Variants in ZFPM1 observed in about 807,000 individuals in gnomAD.
ZFPM1 encodes zinc finger protein ZFPM1.
Under a neutral mutation model 46.3 loss-of-function variants are expected in ZFPM1, and 28 were observed. The observed-to-expected ratio is 0.60, with a 90% confidence interval of 0.45 to 0.83. ZFPM1 has a LOEUF of 0.83. ZFPM1 is among the 40% of genes least tolerant of loss of function. ZFPM1 has a pLI of 0.00. For synonymous variants in ZFPM1, 957 were observed against 675.9 expected, an observed-to-expected ratio of 1.42 and a Z score of -6.45; for missense variants, 1,878 against 1,432.4, an observed-to-expected ratio of 1.31 and a Z score of -5.02.
At position 88,461,948 on chromosome 16, in the gene ZFPM1, G is replaced by A. The variant is rs368703812; in HGVS notation, c.40+8270G>A. 2.7e-3 allele frequency among the ~76,000 whole-genome samples: 413 copies of A among 152,338 alleles called. 2 individuals carry two copies. Among genetic ancestry groups the A allele is most frequent in the African/African-American group, 9.0e-3 (373 of 41,580 alleles). ...GCTGGGGCCGTGGACCCTGGGGGTG[G>A]GCCCAGGTTTCTCTGGGCACTGCCC... On this transcript the variant is annotated intron_variant, in intron 1 of 9. Coordinates refer to ENST00000319555, the MANE Select transcript of ZFPM1 (RefSeq NM_153813.3).
At chr16:88,527,892 C>G (rs1912470400) in intron 5 of ZFPM1, 140 bp from the exon 6 acceptor site, 2 of 796,218 alleles carry the variant, frequency 2.5e-6, no homozygotes, top group East Asian at 6.0e-5. Context: ...GCCCCCCAGG[C>G]AGGATGGCCC....
intron 4 of ZFPM1, among the ~76,000 whole-genome samples, chr16:88,514,969 C>A (rs982806230): frequency 1.3e-5 from 2 of 152,144 alleles, no homozygotes; most frequent in South Asian, 4.1e-4. Flanking sequence ...TCCATGGCCT[C>A]GGCACGTGTG....
intron 4 of ZFPM1, among the ~76,000 whole-genome samples, chr16:88,515,825 C>T (rs1051604496): frequency 1.3e-5 from 2 of 152,208 alleles, no homozygotes; most frequent in African/African-American, 4.8e-5. Flanking sequence ...GTGAGCTCCC[C>T]ATCACTGTAC....
chr16:88,490,840 G>A (rs1278248796), intron 3 of ZFPM1, among the ~76,000 whole-genome samples: 4 of 152,190 alleles, frequency 2.6e-5, no homozygotes, highest in Non-Finnish European at 4.4e-5. Context: ...CCAGGAAGGG[G>A]GACCGGGCAT....
chr16:88,520,813 A>G (rs868271387), intron 4 of ZFPM1, among the ~76,000 whole-genome samples: 52 of 60,366 alleles, frequency 8.6e-4, no homozygotes, highest in African/African-American at 2.8e-3. Flanking sequence ...GGGTGGGTGG[A>G]TGGATGGATG....
Position 88,534,269 on chromosome 16 carries a change from C to G in ZFPM1, c.2311C>G (p.Pro771Ala). Residue 771 changes from proline to alanine, a missense_variant, in exon 10 of 10, where the codon CCC (proline) becomes GCC (alanine). Pro to Ala is a conservative substitution (Grantham distance 27). Transcript: ENST00000319555. Reference protein sequence around the residue: ...GHAPAPESPRPGSGSGSGPGL... With the variant: ...GHAPAPESPRAGSGSGSGPGL... ...CGCCCCCGCGCCCGAGTCGCCGCGG[C>G]CCGGAAGCGGAAGCGGAAGCGGCCC... 8.9e-7 allele frequency: 1 copy of G among 1,118,296 alleles called. No individual in the cohort carries two copies. The highest frequency in any genetic ancestry group is 1.1e-6 in the Non-Finnish European group (1 of 919,620). 69.3% of individuals were successfully genotyped at this position (1,118,296 alleles called of 1,614,324 possible). A position where few individuals can be genotyped will look rare whatever the true frequency, so the allele number is the denominator to read the frequency against.
chr16:88,463,192 G>A (rs1430159254), intron 1 of ZFPM1, among the ~76,000 whole-genome samples: 2 of 152,250 alleles, frequency 1.3e-5, no homozygotes, highest in East Asian at 1.9e-4. Flanking sequence ...CCGAAGTGAT[G>A]CATGAGGAAA....
At position 88,471,110 on chromosome 16, in the gene ZFPM1, G is replaced by A. The variant is rs376875611; in HGVS notation, c.41-14829G>A. 1.3e-5 allele frequency among the ~76,000 whole-genome samples: 2 copies of A among 152,184 alleles called. No individual in the cohort carries two copies. The highest frequency in any genetic ancestry group is 4.8e-5 in the African/African-American group (2 of 41,448). On this transcript the variant is annotated intron_variant, in intron 1 of 9. Coordinates refer to ENST00000319555, the MANE Select transcript of ZFPM1 (RefSeq NM_153813.3). The surrounding 1 kb of genome is among the most constrained non-coding windows in gnomAD (Gnocchi z 4.1). ...TGCCTTCTGAAGGAGCGAGGGGGCC[G>A]GGAGGAGGAAAGCCCAGCTCCCCTG... is the stretch of plus-strand genomic sequence containing the variant.
intron 4 of ZFPM1, chr16:88,516,544 C>A (rs1186595160): frequency 5.0e-6 from 2 of 398,584 alleles, no homozygotes; most frequent in Admixed American, 4.4e-5. Flanking sequence ...CCTTGATTAA[C>A]CCTTATCTCC....
rs1265558158 is a variant in ZFPM1, at chr16:88,532,060, G to A, written c.771G>A (p.Gln257=). 7 of 1,612,252 alleles carry A rather than the reference G, an allele frequency of 4.3e-6. No individual in the cohort carries two copies. The African/African-American group carries it at 9.3e-5, about 22-fold the overall frequency. ...GGTACCGCAGCGAGCGCAACCTGCAGGCGCACCTGCTCTACTACTGCGCCA... is the reference window on the plus strand; with the variant it reads ...GGTACCGCAGCGAGCGCAACCTGCAAGCGCACCTGCTCTACTACTGCGCCA... The part of the protein sequence containing the change: ...GIWYRSERNL[Q]AHLLYYCASR... Residue 257 remains glutamine, a synonymous_variant, in exon 7 of 10, where the codon CAG becomes CAA. Coordinates refer to ENST00000319555, the MANE Select transcript of ZFPM1 (RefSeq NM_153813.3).
At chr16:88,491,457 C>T (rs1909569314) in intron 3 of ZFPM1, among the ~76,000 whole-genome samples, 1 of 152,222 alleles carries the variant, frequency 6.6e-6, no homozygotes, top group Non-Finnish European at 1.5e-5. Flanking sequence ...GGAGACCCAG[C>T]CCGGGGATGC....
chr16:88,463,193 C>T (rs1907978218), intron 1 of ZFPM1, among the ~76,000 whole-genome samples: 1 of 152,242 alleles, frequency 6.6e-6, no homozygotes, highest in Admixed American at 6.5e-5. Context: ...CGAAGTGATG[C>T]ATGAGGAAAG....
At chr16:88,531,951 T>C (rs771023875) in intron 6 of ZFPM1, 51 bp from the exon 7 acceptor site, 1 of 1,528,462 alleles carries the variant, frequency 6.5e-7, no homozygotes, top group Non-Finnish European at 8.9e-7. Context: ...AGCCTTGCCC[T>C]GGCTGGCAGG....
At chr16:88,495,701 C>G (rs781526375) in intron 3 of ZFPM1, among the ~76,000 whole-genome samples, 15 of 151,550 alleles carry the variant, frequency 9.9e-5, no homozygotes, top group African/African-American at 2.7e-4. Flanking sequence ...GCCCACCACT[C>G]TGTGTGTGTG....
intron 1 of ZFPM1, among the ~76,000 whole-genome samples, chr16:88,458,120 G>A (rs149275014): frequency 6.6e-6 from 1 of 152,326 alleles, no homozygotes; most frequent in East Asian, 1.9e-4. Flanking sequence ...CCAAGCAAGT[G>A]ATGGAGCTAG....
chr16:88,466,174 G>C (rs1290193291), intron 1 of ZFPM1, among the ~76,000 whole-genome samples: 1 of 152,170 alleles, frequency 6.6e-6, no homozygotes, highest in Non-Finnish European at 1.5e-5. Flanking sequence ...GATCCCTGGG[G>C]CGGTGTGGAT....
intron 1 of ZFPM1, among the ~76,000 whole-genome samples, chr16:88,454,726 G>T (rs894922794): frequency 7.2e-5 from 11 of 152,228 alleles, no homozygotes; most frequent in African/African-American, 2.7e-4. Context: ...ATAACTTTGC[G>T]CCTCACAGTT....
intron 5 of ZFPM1, among the ~76,000 whole-genome samples, chr16:88,527,801 C>T (rs763747348): frequency 2.0e-5 from 3 of 151,406 alleles, no homozygotes; most frequent in Non-Finnish European, 4.4e-5. Context: ...TTCCTCGGGG[C>T]CCTCCCACTA....
At chr16:88,491,126 TGCCTCAG>T (rs1909551395) in intron 3 of ZFPM1, among the ~76,000 whole-genome samples, 1 of 152,094 alleles carries the variant, frequency 6.6e-6, no homozygotes, top group African/African-American at 2.4e-5. Context: ...CAGGTGCTGG[TGCCTCAG>T]GCCTTCGCTG....
Sources: gnomAD v4.1 joint callset for allele counts (sites outside exome capture counted in the v4.1 genomes callset) on GRCh38, gnomAD v4.1.1 for gene constraint, Gnocchi (gnomAD v3.1) non-coding constraint, MANE v1.5 for transcripts, NCBI Gene and HGNC (gene_info 2026-07-23, HGNC 2026-07-21) for gene names.